The following CLSTN1 variants were observed in gnomAD, a reference collection of about 807,000 sequenced individuals.
CLSTN1 encodes calsyntenin-1.
In CLSTN1, 28 loss-of-function variants were observed where a neutral mutation model predicts 108.3. The observed-to-expected ratio is 0.26, with a 90% CI of 0.19 to 0.35. The LOEUF (loss-of-function observed/expected upper bound fraction) is 0.35, where lower values mean the gene tolerates loss of function less well. CLSTN1 is among the 10% of genes least tolerant of loss of function. CLSTN1 has a pLI of 1.00. For missense variants in CLSTN1, 1,157 were observed against 1,302.6 expected (o/e 0.89, Z 1.72); for synonymous variants, 524 against 534.9 (o/e 0.98, Z 0.28).
intron 1 of CLSTN1, among the ~76,000 whole-genome samples, chr1:9,784,068 AG>A (rs1160609689): frequency 6.6e-6 from 1 of 150,580 alleles, no homozygotes; most frequent in Non-Finnish European, 1.5e-5. Context: ...GATACTTGGG[AG>A]GCTGGGGCAG....
At position 9,823,167 on chromosome 1, in the gene CLSTN1, A is replaced by C. The variant is rs189637172; in HGVS notation, c.91+476T>G. ...GGAGTGGGCTCTTATGTAAGCACACACCAAAACTGTGCGTGCACCCCCCGC... is the reference window on the plus strand; with the variant it reads ...GGAGTGGGCTCTTATGTAAGCACACCCCAAAACTGTGCGTGCACCCCCCGC... On this transcript the variant is annotated intron_variant, in intron 1 of 18. Transcript: ENST00000377298. The surrounding 1 kb of genome is among the most constrained non-coding windows in gnomAD (Gnocchi z 6.3). 5.3e-5 allele frequency among the ~76,000 whole-genome samples: 8 copies of C among 152,308 alleles called. No homozygotes were observed. Among genetic ancestry groups the C allele is most frequent in the Admixed American group, 3.9e-4 (6 of 15,310 alleles).
At chr1:9,807,699 C>T (rs1333587701) in intron 1 of CLSTN1, among the ~76,000 whole-genome samples, 7 of 152,206 alleles carry the variant, frequency 4.6e-5, no homozygotes, top group African/African-American at 9.6e-5. Context: ...GAGGGCCCAC[C>T]GCCCCCGGTT....
chr1:9,753,820 ATTG>A (rs1156763936), intron 4 of CLSTN1, among the ~76,000 whole-genome samples: 3 of 149,176 alleles, frequency 2.0e-5, no homozygotes. Context: ...TTTTGTTGTT[ATTG>A]TTTTTTAGGG....
chr1:9,760,392 CCTGCTGAG>C (rs1451635999), intron 2 of CLSTN1, among the ~76,000 whole-genome samples: 2 of 152,144 alleles, frequency 1.3e-5, no homozygotes, highest in African/African-American at 2.4e-5. Context: ...CACTGCAGAG[CCTGCTGAG>C]CCATCTGCAG....
chr1:9,789,226 G>C (rs1653648845), intron 1 of CLSTN1, among the ~76,000 whole-genome samples: 1 of 151,342 alleles, frequency 6.6e-6, no homozygotes, highest in South Asian at 2.2e-4. Context: ...TCTATCTTTA[G>C]GGTGATTGTA....
At chr1:9,807,663 AG>A (rs1654563322) in intron 1 of CLSTN1, among the ~76,000 whole-genome samples, 1 of 152,164 alleles carries the variant, frequency 6.6e-6, no homozygotes, top group Non-Finnish European at 1.5e-5. Flanking sequence ...GTGAAGAGGC[AG>A]GGCCTGCAGA....
rs1237934223 is a variant in CLSTN1, at chr1:9,729,815, G to GC, written c.*692dup. Reference sequence around the variant, plus strand: ...TGAGCAGCACAGCTAGAGGCCTGTGGCCCCCGACTCCCAGCCATACTCAGA... The same window carrying GC: ...TGAGCAGCACAGCTAGAGGCCTGTGGCCCCCCGACTCCCAGCCATACTCAGA... On this transcript the variant is annotated 3_prime_UTR_variant, in exon 19 of 19. Coordinates refer to ENST00000377298, the MANE Select transcript of CLSTN1 (RefSeq NM_001009566.3). 3.9e-5 allele frequency: 6 copies of GC among 153,046 alleles called. No homozygotes were observed. The highest frequency in any genetic ancestry group is 1.4e-4 in the African/African-American group (6 of 41,384). The allele number at this position is 153,046 out of a possible 1,614,324, so 9.5% of individuals were successfully genotyped here.
At chr1:9,778,777 G>A (rs986864379) in intron 1 of CLSTN1, among the ~76,000 whole-genome samples, 2 of 152,064 alleles carry the variant, frequency 1.3e-5, no homozygotes, top group African/African-American at 4.8e-5. Flanking sequence ...CACTTTGGGA[G>A]GCCAAGGCGG....
At position 9,741,102 on chromosome 1, in the gene CLSTN1, C is replaced by G. The variant is rs1276220540; in HGVS notation, c.1511G>C (p.Cys504Ser). 2 of 1,613,150 alleles carry G rather than the reference C, an allele frequency of 1.2e-6. No homozygotes were observed. The highest frequency in any genetic ancestry group is 4.5e-5 in the East Asian group (2 of 44,874). Residue 504 changes from cysteine (C) to serine (S), a missense_variant, in exon 10 of 19, where the codon TGC becomes TCC. Cys to Ser is a moderately radical substitution (Grantham distance 112, BLOSUM62 -1). Transcript: ENST00000377298. Reference protein sequence around the residue: ...KIETQLVVGACWQEFSGVEND... With the variant: ...KIETQLVVGASWQEFSGVEND... ...GGGGTAATGACAGGTACCTTGCCAG[C>G]AAGCCCCCACCACGAGCTGAGTTTC...
At chr1:9,808,941 C>T (rs949446185) in intron 1 of CLSTN1, among the ~76,000 whole-genome samples, 1 of 151,932 alleles carries the variant, frequency 6.6e-6, no homozygotes, top group Admixed American at 6.6e-5. Flanking sequence ...ATAACAGAAA[C>T]TTCAGGAAAC....
rs149494897 is a variant in CLSTN1 at position 9,746,527 on chromosome 1, C to T, written c.986-1884G>A. 4.3e-3 allele frequency among the ~76,000 whole-genome samples: 658 copies of T among 152,218 alleles called. 12 individuals are homozygous for T. The highest frequency in any genetic ancestry group is 0.043 in the East Asian group (222 of 5,180). Reference sequence around the variant, plus strand: ...GGTCAAGAGTTCAAACCAGCCTGGCCAATATGGTGAAACTCTGTCTCTACA... The same window carrying T: ...GGTCAAGAGTTCAAACCAGCCTGGCTAATATGGTGAAACTCTGTCTCTACA... On this transcript the variant is annotated intron_variant, in intron 7 of 18. Coordinates refer to ENST00000377298, the MANE Select transcript of CLSTN1 (RefSeq NM_001009566.3).
intron 4 of CLSTN1, among the ~76,000 whole-genome samples, chr1:9,754,359 A>C (rs1313604450): frequency 6.6e-6 from 1 of 151,928 alleles, no homozygotes; most frequent in African/African-American, 2.4e-5. Context: ...CAGGAGTTTG[A>C]TACCAGCCTG....
intron 2 of CLSTN1, among the ~76,000 whole-genome samples, chr1:9,756,836 A>T (rs1651831106): frequency 6.6e-6 from 1 of 152,164 alleles, no homozygotes; most frequent in East Asian, 1.9e-4. Flanking sequence ...GCTGGAATGC[A>T]GTGGTGCTAT....
chr1:9,735,535 G>T lies in CLSTN1; in HGVS notation c.1815C>A (p.Ile605=). Residue 605 remains isoleucine (I), a synonymous_variant, in exon 13 of 19, where the codon ATC becomes ATA. Transcript: ENST00000377298. ...LGELDKAMQH[I]SYLNSRQFPT... is the part of the protein sequence containing the mutation. ...GGAACTGCCGGGAGTTCAGGTACGA[G>T]ATGTGCTGCATGGCCTTATCCAATT... 1 of 1,614,218 alleles carries T rather than the reference G, an allele frequency of 6.2e-7. No individual in the cohort carries two copies. The highest frequency in any genetic ancestry group is 8.5e-7 in the Non-Finnish European group (1 of 1,180,034).
At chr1:9,743,835 GGT>G in intron 9 of CLSTN1, 47 bp downstream of exon 9, 1 of 1,605,694 alleles carries the variant, frequency 6.2e-7, no homozygotes, top group Non-Finnish European at 8.5e-7. Context: ...TGGGATTATA[GGT>G]GTGAGCACCT....
chr1:9,769,886 C>T (rs1024865427), intron 2 of CLSTN1, among the ~76,000 whole-genome samples: 3 of 151,564 alleles, frequency 2.0e-5, no homozygotes, highest in Admixed American at 6.6e-5. Flanking sequence ...AAAAATTAGC[C>T]GGGCGCGGTG....
rs773884914 is a variant in CLSTN1 at position 9,735,505 on chromosome 1, C to A, written c.1845G>T (p.Thr615=). 2.0e-5 allele frequency: 33 copies of A among 1,614,000 alleles called. No individual in the cohort carries two copies. The East Asian group carries it at 4.0e-4, about 20-fold the overall frequency. Residue 615 remains threonine (T), a synonymous_variant, in exon 13 of 19, where the codon ACG becomes ACT. Coordinates refer to ENST00000377298, the MANE Select transcript of CLSTN1 (RefSeq NM_001009566.3). The part of the protein sequence containing the change: ...ISYLNSRQFP[T]PGIRRLKITS... ...TGATTTTGAGTCTGCGAATTCCGGG[C>A]GTGGGGAACTGCCGGGAGTTCAGGT...
rs1373865950 is a variant in CLSTN1 at position 9,729,088 on chromosome 1, T to A, written c.*1420A>T. On this transcript the variant is annotated 3_prime_UTR_variant, in exon 19 of 19. Transcript: ENST00000377298. Reference sequence around the variant, plus strand: ...TTCTGACCTATCATGAGTATACACATCTGCGAAGGGAAACCGCGCGGCGAC... The same window carrying A: ...TTCTGACCTATCATGAGTATACACAACTGCGAAGGGAAACCGCGCGGCGAC... 6.6e-6 allele frequency: 1 copy of A among 152,154 alleles called. No individual in the cohort carries two copies. The highest frequency in any genetic ancestry group is 2.4e-5 in the African/African-American group (1 of 41,430). 9.4% of individuals were successfully genotyped at this position (152,154 alleles called of 1,614,324 possible).
intron 1 of CLSTN1, among the ~76,000 whole-genome samples, chr1:9,802,442 C>T (rs983210329): frequency 3.9e-5 from 6 of 152,160 alleles, no homozygotes; most frequent in Middle Eastern, 3.2e-3. Context: ...CTGAGATGTT[C>T]ACATTAAAAA....
Sources: allele counts gnomAD v4.1 joint callset (sites outside exome capture counted in the v4.1 genomes callset), GRCh38; gene constraint gnomAD v4.1.1; non-coding constraint Gnocchi (gnomAD v3.1); transcripts MANE v1.5; gene names NCBI Gene and HGNC (gene_info 2026-07-23, HGNC 2026-07-21).